The following DTD1 variants were observed in gnomAD, a reference collection of about 807,000 sequenced individuals.
DTD1 encodes D-aminoacyl-tRNA deacylase 1, also known as D-tyrosyl-tRNA deacylase 1 homolog.
A neutral mutation model predicts 25.6 loss-of-function variants in DTD1; 13 were observed. The observed-to-expected ratio is 0.51, with a 90% confidence interval of 0.33 to 0.81. DTD1 has a LOEUF of 0.81. Ranked by LOEUF, DTD1 falls within the 30% of genes least tolerant of loss-of-function variation. The probability of loss-of-function intolerance (pLI) is 0.02; values close to 1 mark genes in which losing one functional copy is unlikely to be tolerated. For missense variants in DTD1, 193 were observed against 266.4 expected, an observed-to-expected ratio of 0.72 and a Z score of 1.92; for synonymous variants, 110 against 103.6, an observed-to-expected ratio of 1.06 and a Z score of -0.37.
chr20:18,694,188 T>C (rs2122442724), intron 4 of DTD1, among the ~76,000 whole-genome samples: 1 of 152,294 alleles, frequency 6.6e-6, no homozygotes, highest in East Asian at 1.9e-4. Flanking sequence ...AGAGACACCA[T>C]CTGGGTGAGG....
intron 4 of DTD1, among the ~76,000 whole-genome samples, chr20:18,654,110 G>A (rs2060883614): frequency 6.6e-6 from 1 of 152,328 alleles, no homozygotes; most frequent in Non-Finnish European, 1.5e-5. Context: ...TCAGACCAGT[G>A]GGTGGATGAT....
chr20:18,678,356 G>A (rs1197400069), intron 4 of DTD1, among the ~76,000 whole-genome samples: 1 of 152,168 alleles, frequency 6.6e-6, no homozygotes, highest in East Asian at 1.9e-4. Flanking sequence ...CACCTCCACT[G>A]GTAATTCAAC....
intron 4 of DTD1, among the ~76,000 whole-genome samples, chr20:18,654,090 C>T (rs1290905657): frequency 6.6e-6 from 1 of 152,186 alleles, no homozygotes; most frequent in Admixed American, 6.5e-5. Flanking sequence ...AAATAAAACT[C>T]CAGAATTTCT....
Position 18,607,627 on chromosome 20 carries a change from C to G in DTD1, c.370+11386C>G, listed in dbSNP as rs1298961520. ...AATTCACCAATGACCCCATCTAGGC[C>G]TGGTGTTTCTTTTTGAAAGGTTATT... On this transcript the variant is annotated intron_variant, in intron 3 of 5. Coordinates refer to ENST00000377452, the MANE Select transcript of DTD1 (RefSeq NM_080820.6). Among the ~76,000 whole-genome samples the G allele has an allele frequency of 2.6e-5, 4 of 152,114 alleles. No homozygotes were observed. The East Asian group carries it at 5.8e-4, about 22-fold the overall frequency.
At chr20:18,619,033 C>T (rs1263473271) in intron 3 of DTD1, among the ~76,000 whole-genome samples, 1 of 151,598 alleles carries the variant, frequency 6.6e-6, no homozygotes, top group East Asian at 1.9e-4. Flanking sequence ...TTTGTAGAAA[C>T]AAGGTCTCAC....
intron 4 of DTD1, among the ~76,000 whole-genome samples, chr20:18,714,231 C>T (rs1480023881): frequency 1.3e-5 from 2 of 152,206 alleles, no homozygotes; most frequent in Non-Finnish European, 2.9e-5. Context: ...AACAAGAAGG[C>T]TGTACTAGAT....
intron 4 of DTD1, among the ~76,000 whole-genome samples, chr20:18,666,003 G>A (rs2060930160): frequency 6.6e-6 from 1 of 152,046 alleles, no homozygotes; most frequent in South Asian, 2.1e-4. Context: ...CATATTTTTG[G>A]ATTGCACCAG....
At chr20:18,588,164 G>A in intron 1 of DTD1, 49 bp downstream of exon 1, 1 of 1,231,570 alleles carries the variant, frequency 8.1e-7, no homozygotes, top group Non-Finnish European at 1.0e-6. Context: ...TGACCCCCGC[G>A]ACCGGCTGTC....
chr20:18,669,651 C>T (rs954262539), intron 4 of DTD1, among the ~76,000 whole-genome samples: 7 of 152,114 alleles, frequency 4.6e-5, no homozygotes, highest in Admixed American at 2.6e-4. Flanking sequence ...TCACCCCTCT[C>T]CCCAGCCTCT....
intron 4 of DTD1, among the ~76,000 whole-genome samples, chr20:18,639,515 C>T (rs185172936): frequency 2.0e-5 from 3 of 152,204 alleles, no homozygotes; most frequent in East Asian, 1.9e-4. Context: ...GCTCCAGAGG[C>T]GGAGTGGAAG....
chr20:18,677,244 A>C (rs146819234), intron 4 of DTD1, among the ~76,000 whole-genome samples: 1 of 151,864 alleles, frequency 6.6e-6, no homozygotes, highest in Non-Finnish European at 1.5e-5. Flanking sequence ...GAAAACATGC[A>C]CAAGTTTTTC....
At chr20:18,654,573 A>G (rs918535012) in intron 4 of DTD1, among the ~76,000 whole-genome samples, 1 of 152,194 alleles carries the variant, frequency 6.6e-6, no homozygotes, top group Non-Finnish European at 1.5e-5. Flanking sequence ...TTACAGGTCT[A>G]TCTGTGGACT....
chr20:18,761,150 A>G lies in DTD1; in HGVS notation c.*20-2210A>G, dbSNP rs539231387. ...CTGTCTATCACCCCTTTCCTTGGCT[A>G]GGAAAGGGAATTCCCTGGCCCCTTG... On this transcript the variant is annotated intron_variant, in intron 5 of 5. Transcript: ENST00000377452. Among the ~76,000 whole-genome samples, 86 of 152,194 alleles carry G rather than the reference A, an allele frequency of 5.7e-4. No homozygotes were observed. In the South Asian group the frequency reaches 0.017, roughly 29 times the overall value.
intron 5 of DTD1, among the ~76,000 whole-genome samples, chr20:18,759,172 G>A (rs1038930467): frequency 1.3e-5 from 2 of 152,078 alleles, no homozygotes; most frequent in African/African-American, 4.8e-5. Context: ...CACACTGATG[G>A]GTCTTGACTC....
chr20:18,645,288 G>A (rs1275418745), intron 4 of DTD1, among the ~76,000 whole-genome samples: 1 of 152,222 alleles, frequency 6.6e-6, no homozygotes, highest in African/African-American at 2.4e-5. Flanking sequence ...TTTTATTGAA[G>A]CATCTAATTT....
In DTD1 at chr20:18,765,673, C is replaced by T. The variant is rs2061376926; in HGVS notation, c.*2333C>T. Reference sequence around the variant, plus strand: ...GCCTCAAAAAGGTGGTTAATTTCCACCCCCACCTACACTCCTGAAGGTCCT... The same window carrying T: ...GCCTCAAAAAGGTGGTTAATTTCCATCCCCACCTACACTCCTGAAGGTCCT... On this transcript the variant is annotated 3_prime_UTR_variant, in exon 6 of 6. Transcript: ENST00000377452. 1 of 152,184 alleles carries T rather than the reference C, an allele frequency of 6.6e-6. No homozygotes were observed. The highest frequency in any genetic ancestry group is 2.4e-5 in the African/African-American group (1 of 41,424). 9.4% of individuals were successfully genotyped at this position (152,184 alleles called of 1,614,324 possible).
chr20:18,660,688 T>G (rs941021903), intron 4 of DTD1, among the ~76,000 whole-genome samples: 2 of 152,202 alleles, frequency 1.3e-5, no homozygotes, highest in African/African-American at 4.8e-5. Context: ...ATATAAAATA[T>G]TAAATAAATC....
At chr20:18,709,211 ATGATC>A (rs146828373) in intron 4 of DTD1, among the ~76,000 whole-genome samples, 324 of 152,294 alleles carry the variant, frequency 2.1e-3, no homozygotes, top group African/African-American at 7.2e-3. Flanking sequence ...CACAATAAAT[ATGATC>A]CCCCCTTTGC....
Position 18,594,633 on chromosome 20 carries a change from C to T in DTD1, c.134+812C>T, listed in dbSNP as rs146000070. Among the ~76,000 whole-genome samples, 505 of 152,212 alleles carry T rather than the reference C, an allele frequency of 3.3e-3. 3 individuals are homozygous for T. Among genetic ancestry groups the T allele is most frequent in the African/African-American group, 0.012 (486 of 41,534 alleles). ...CTCAGAGCTTGGGTATAACCCTGCC[C>T]AACTGATTCTTTTGTGTTAGATTGA... On this transcript the variant is annotated intron_variant, in intron 2 of 5. Transcript: ENST00000377452.
Sources: allele counts gnomAD v4.1 joint callset (sites outside exome capture counted in the v4.1 genomes callset), GRCh38; gene constraint gnomAD v4.1.1; transcripts MANE v1.5; gene names NCBI Gene and HGNC (gene_info 2026-07-23, HGNC 2026-07-21).